The following PDE7B variants were observed in gnomAD, a reference collection of about 807,000 sequenced individuals.
PDE7B encodes the protein phosphodiesterase 7B, also known as 3',5'-cyclic-AMP phosphodiesterase 7B.
In PDE7B, 29 loss-of-function variants were observed where a neutral mutation model predicts 56.2. The ratio of observed to expected loss-of-function variants is 0.52; its 90% CI spans 0.38 to 0.70. The LOEUF is 0.70. Among genes scored for constraint, PDE7B ranks in the 30% least tolerant of loss-of-function variants. The probability of loss-of-function intolerance (pLI) is 0.00; values close to 1 mark genes in which losing one functional copy is unlikely to be tolerated. For missense variants in PDE7B, 490 were observed against 565.0 expected (o/e 0.87, Z 1.35); for synonymous variants, 197 against 196.9 (o/e 1.00, Z 0.00).
intron 2 of PDE7B, among the ~76,000 whole-genome samples, chr6:136,056,214 C>T (rs1023117308): frequency 3.3e-5 from 5 of 152,302 alleles, no homozygotes; most frequent in East Asian, 3.9e-4. Flanking sequence ...AGTTGCTATA[C>T]GTCTTCAGTC....
intron 2 of PDE7B, among the ~76,000 whole-genome samples, chr6:135,980,189 G>T (rs1775270759): frequency 1.3e-5 from 2 of 152,208 alleles, no homozygotes; most frequent in African/African-American, 2.4e-5. Flanking sequence ...AAGCAATGAG[G>T]AAAGGATTCC....
intron 2 of PDE7B, among the ~76,000 whole-genome samples, chr6:136,060,881 A>T (rs958726290): frequency 2.0e-5 from 3 of 152,174 alleles, no homozygotes; most frequent in African/African-American, 2.4e-5. Flanking sequence ...ACTTCTTTTT[A>T]AAAAAGAAGT....
intron 2 of PDE7B, among the ~76,000 whole-genome samples, chr6:136,068,953 C>A (rs1467916112): frequency 6.6e-6 from 1 of 152,116 alleles, no homozygotes; most frequent in Non-Finnish European, 1.5e-5. Flanking sequence ...ATGTTAGTAT[C>A]TTATTGCGAC....
At chr6:136,185,101 G>A (rs1380288363) in intron 11 of PDE7B, among the ~76,000 whole-genome samples, 1 of 152,144 alleles carries the variant, frequency 6.6e-6, no homozygotes, top group African/African-American at 2.4e-5. Flanking sequence ...GTTCTGGCCT[G>A]CCCTCAGAAG....
intron 2 of PDE7B, among the ~76,000 whole-genome samples, chr6:135,957,400 A>C (rs966045514): frequency 6.6e-6 from 1 of 152,232 alleles, no homozygotes; most frequent in Admixed American, 6.5e-5. Flanking sequence ...ATTCTTTAAA[A>C]TTAAAAAATA....
intron 2 of PDE7B, among the ~76,000 whole-genome samples, chr6:135,989,351 C>G (rs1283525363): frequency 1.3e-5 from 2 of 152,158 alleles, no homozygotes; most frequent in Admixed American, 6.6e-5. Context: ...CGATGGCTCA[C>G]GCCTGTAATC....
chr6:135,895,375 G>A (rs1775880640), intron 1 of PDE7B, among the ~76,000 whole-genome samples: 1 of 152,140 alleles, frequency 6.6e-6, no homozygotes, highest in Admixed American at 6.6e-5. Context: ...ACTGCCAAGT[G>A]TGAGATACTG....
intron 3 of PDE7B, among the ~76,000 whole-genome samples, chr6:136,123,039 A>C (rs115570766): frequency 1.0e-3 from 156 of 152,294 alleles, no homozygotes; most frequent in African/African-American, 3.5e-3. Context: ...CTTACAGTGG[A>C]AAGTGAACAA....
chr6:136,191,747 G>A lies in PDE7B; in HGVS notation c.1260G>A (p.Gln420=). The change falls in exon 13 of 13, where the codon CAG becomes CAA. Residue 420 remains glutamine (Q), a synonymous_variant. Transcript: ENST00000308191. ...AGTGGAAGAGCCTGTTGCCCAGGCA[G>A]CACAGAAGCAGGGGCAGCAGTGGCA... The part of the protein sequence containing the change: ...KAQWKSLLPR[Q]HRSRGSSGSG... 6.2e-7 allele frequency: 1 copy of A among 1,603,582 alleles called. No individual in the cohort carries two copies. Among genetic ancestry groups the A allele is most frequent in the South Asian group, 1.1e-5 (1 of 89,516 alleles).
At chr6:136,143,436 G>T (rs1206139602) in intron 3 of PDE7B, among the ~76,000 whole-genome samples, 1 of 151,528 alleles carries the variant, frequency 6.6e-6, no homozygotes, top group Non-Finnish European at 1.5e-5. Context: ...AAATTTAGGG[G>T]AATACCAAAT....
chr6:136,138,907 G>T (rs1013266952), intron 3 of PDE7B, among the ~76,000 whole-genome samples: 1 of 152,044 alleles, frequency 6.6e-6, no homozygotes, highest in Non-Finnish European at 1.5e-5. Flanking sequence ...AACCTACAAG[G>T]CATCATAGAA....
intron 1 of PDE7B, among the ~76,000 whole-genome samples, chr6:135,941,445 C>T (rs916349726): frequency 8.5e-5 from 13 of 152,170 alleles, no homozygotes; most frequent in Admixed American, 7.2e-4. Flanking sequence ...AATTTCTAAA[C>T]CCTGGATCAC....
At chr6:136,038,438 G>A (rs1461530871) in intron 2 of PDE7B, 2 of 1,290,342 alleles carry the variant, frequency 1.5e-6, no homozygotes, top group African/African-American at 1.5e-5. Flanking sequence ...GATCAGGATG[G>A]TAAAGCTGGT....
chr6:136,143,198 G>C (rs867378562), intron 3 of PDE7B, among the ~76,000 whole-genome samples: 167 of 151,908 alleles, frequency 1.1e-3, no homozygotes, highest in African/African-American at 3.7e-3. Flanking sequence ...TTAATTACTG[G>C]GGTTTTTTAA....
chr6:135,917,444 G>A (rs1583768445), intron 1 of PDE7B, among the ~76,000 whole-genome samples: 1 of 152,048 alleles, frequency 6.6e-6, no homozygotes, highest in Non-Finnish European at 1.5e-5. Context: ...GTTTCATGTG[G>A]TTGTGTTTTA....
intron 12 of PDE7B, 33 bp downstream of exon 12, chr6:136,187,149 T>C: frequency 9.6e-7 from 1 of 1,038,984 alleles, no homozygotes; most frequent in Non-Finnish European, 1.5e-6. Flanking sequence ...TCCAAATAAA[T>C]ACCTTTGGCA....
chr6:136,021,567 C>T (rs1489141920), intron 2 of PDE7B, among the ~76,000 whole-genome samples: 1 of 151,906 alleles, frequency 6.6e-6, no homozygotes, highest in African/African-American at 2.4e-5. Context: ...TTGCTTGAAC[C>T]CAGGAGGCGG....
intron 1 of PDE7B, among the ~76,000 whole-genome samples, chr6:135,923,214 C>G (rs1005980600): frequency 1.3e-5 from 2 of 152,180 alleles, no homozygotes; most frequent in Non-Finnish European, 2.9e-5. Context: ...TTGAAAAAGG[C>G]TCATACAATT....
chr6:135,994,779 A>G (rs1775535350), intron 2 of PDE7B, among the ~76,000 whole-genome samples: 2 of 152,252 alleles, frequency 1.3e-5, no homozygotes, highest in South Asian at 4.1e-4. Flanking sequence ...ACAAATACGT[A>G]TTAAACAATT....
Sources: allele counts gnomAD v4.1 joint callset (sites outside exome capture counted in the v4.1 genomes callset), GRCh38; gene constraint gnomAD v4.1.1; transcripts MANE v1.5; gene names NCBI Gene and HGNC (gene_info 2026-07-23, HGNC 2026-07-21).